FBXW8: variants seen among roughly 807,000 people sequenced by gnomAD.
The protein encoded by FBXW8 is F-box/WD repeat-containing protein 8.
FBXW8 carries 57 observed loss-of-function variants against 65.3 expected under a neutral mutation model. The ratio of observed to expected loss-of-function variants is 0.87; its 90% CI spans 0.71 to 1.09. FBXW8 has a LOEUF of 1.09. Ranked by LOEUF, FBXW8 falls within the 50% of genes least tolerant of loss-of-function variation. FBXW8 has a pLI of 0.00. For missense variants in FBXW8, 777 were observed against 814.8 expected (o/e 0.95, Z 0.57); for synonymous variants, 308 against 330.2 (o/e 0.93, Z 0.73).
intron 8 of FBXW8, among the ~76,000 whole-genome samples, chr12:117,015,845 C>T (rs983468609): frequency 2.0e-5 from 3 of 152,208 alleles, no homozygotes; most frequent in Non-Finnish European, 2.9e-5. Context: ...CTCCCCAGTT[C>T]CCTCATCCCC....
At chr12:116,938,066 A>G (rs1443215435) in intron 2 of FBXW8, among the ~76,000 whole-genome samples, 1 of 152,126 alleles carries the variant, frequency 6.6e-6, no homozygotes, top group East Asian at 1.9e-4. Context: ...AGGAATCAAA[A>G]CAATTAACAA....
chr12:116,989,799 C>T (rs1281476421), intron 7 of FBXW8, among the ~76,000 whole-genome samples: 2 of 152,174 alleles, frequency 1.3e-5, no homozygotes, highest in Non-Finnish European at 2.9e-5. Context: ...GGCCAGCAGA[C>T]CCTGTGTGAC....
intron 7 of FBXW8, among the ~76,000 whole-genome samples, chr12:116,990,798 T>TA (rs1953220885): frequency 6.6e-6 from 1 of 152,138 alleles, no homozygotes; most frequent in African/African-American, 2.4e-5. Context: ...CTAAAAGCAT[T>TA]AACTGTAAGA....
intron 9 of FBXW8, among the ~76,000 whole-genome samples, chr12:117,025,915 G>C (rs930003070): frequency 6.6e-6 from 1 of 152,202 alleles, no homozygotes; most frequent in African/African-American, 2.4e-5. Flanking sequence ...AGCTAAGGAA[G>C]GCCTTCCCCA....
At chr12:117,006,789 G>C (rs1440102341) in intron 7 of FBXW8, among the ~76,000 whole-genome samples, 4 of 152,208 alleles carry the variant, frequency 2.6e-5, no homozygotes, top group Non-Finnish European at 4.4e-5. Flanking sequence ...CCAGTGCCTA[G>C]AAGATGATTG....
At chr12:117,012,886 A>G (rs904295184) in intron 8 of FBXW8, among the ~76,000 whole-genome samples, 43 of 152,222 alleles carry the variant, frequency 2.8e-4, no homozygotes, top group African/African-American at 8.7e-4. Context: ...TGTTTTCATT[A>G]AAGTAGGGAA....
Position 117,028,191 on chromosome 12 carries a change from A to C in FBXW8, c.*19A>C. On this transcript the variant is annotated 3_prime_UTR_variant, in exon 11 of 11. Coordinates refer to ENST00000652555, the MANE Select transcript of FBXW8 (RefSeq NM_153348.3). This position sits in a 1 kb window ranked among gnomAD's most constrained non-coding sequence, Gnocchi z 4.1. ...TGTTTAGGGATGTGCCTCAGTTGGG[A>C]GCAAGGAGAAAAATGGGAAGAACCA... The C allele has an allele frequency of 6.2e-7, 1 of 1,611,546 alleles. No individual in the cohort carries two copies. The highest frequency in any genetic ancestry group is 1.1e-5 in the South Asian group (1 of 91,048).
chr12:117,011,516 G>A lies in FBXW8; in HGVS notation c.1367+1066G>A, dbSNP rs537969826. 9.2e-5 allele frequency among the ~76,000 whole-genome samples: 14 copies of A among 152,342 alleles called. 1 individual carries two copies. The highest frequency in any genetic ancestry group is 9.1e-4 in the Admixed American group (14 of 15,308). On this transcript the variant is annotated intron_variant, in intron 8 of 10. Coordinates refer to ENST00000652555, the MANE Select transcript of FBXW8 (RefSeq NM_153348.3). ...GAGAACTGAACTCCTCAGTGTGTGT[G>A]TGGGGCACGCACTGGGCTAGTTCTC...
At chr12:116,928,374 G>A (rs1048546093) in intron 2 of FBXW8, among the ~76,000 whole-genome samples, 1 of 152,208 alleles carries the variant, frequency 6.6e-6, no homozygotes, top group Non-Finnish European at 1.5e-5. Flanking sequence ...TGGCTGACCT[G>A]TGGCAGTGTG....
intron 7 of FBXW8, among the ~76,000 whole-genome samples, chr12:117,006,142 G>T (rs1041423972): frequency 1.3e-5 from 2 of 152,210 alleles, no homozygotes; most frequent in Non-Finnish European, 2.9e-5. Context: ...AATGCCTGGT[G>T]GTGGTTTAAT....
intron 3 of FBXW8, among the ~76,000 whole-genome samples, chr12:116,946,564 A>G (rs1345447538): frequency 1.3e-5 from 2 of 152,088 alleles, no homozygotes; most frequent in Non-Finnish European, 2.9e-5. Flanking sequence ...ATGCCCCTAG[A>G]CATTGCTGGA....
chr12:116,966,683 AAATGTTGGGAAAC>A, intron 5 of FBXW8, among the ~76,000 whole-genome samples: 1 of 152,292 alleles, frequency 6.6e-6, no homozygotes, highest in South Asian at 2.1e-4. Flanking sequence ...TGTTGCACAG[AAATGTTGGGAAAC>A]AATGTAGGCA....
intron 1 of FBXW8, among the ~76,000 whole-genome samples, chr12:116,925,398 G>A (rs11068244): frequency 0.013 from 2,021 of 152,308 alleles, 39 homozygotes; most frequent in African/African-American, 0.046. Flanking sequence ...AGTATCTATG[G>A]CAAGGACCAT....
chr12:116,973,456 A>G (rs1884750697), intron 5 of FBXW8, among the ~76,000 whole-genome samples: 1 of 152,270 alleles, frequency 6.6e-6, no homozygotes, highest in South Asian at 2.1e-4. Context: ...AACCGTCTTA[A>G]TAAAGTGATC....
chr12:116,998,870 A>G (rs1953442804), intron 7 of FBXW8, among the ~76,000 whole-genome samples: 1 of 152,370 alleles, frequency 6.6e-6, no homozygotes, highest in South Asian at 2.1e-4. Flanking sequence ...GAATTTCTGA[A>G]TATTTAAAAC....
At chr12:116,979,675 C>T (rs765340091) in intron 5 of FBXW8, 2 of 149,850 alleles carry the variant, frequency 1.3e-5, no homozygotes, top group Non-Finnish European at 2.9e-5. Flanking sequence ...GAGGTTTGGT[C>T]AGGAAGGAAG....
Position 117,030,297 on chromosome 12 carries a change from A to C in FBXW8, c.*2125A>C, listed in dbSNP as rs1565951653. 6.6e-6 allele frequency: 1 copy of C among 152,198 alleles called. No homozygotes were observed. The highest frequency in any genetic ancestry group is 1.5e-5 in the Non-Finnish European group (1 of 68,040). The allele number at this position is 152,198 out of a possible 1,614,324, so 9.4% of individuals were successfully genotyped here. ...TTTCAGACCCTGCCTACCTGCAGGC[A>C]GATGGACCGGAGGGTTTTCTGCTTC... On this transcript the variant is annotated 3_prime_UTR_variant, in exon 11 of 11. Coordinates refer to ENST00000652555, the MANE Select transcript of FBXW8 (RefSeq NM_153348.3).
At chr12:116,973,414 A>G (rs955828547) in intron 5 of FBXW8, among the ~76,000 whole-genome samples, 1 of 152,228 alleles carries the variant, frequency 6.6e-6, no homozygotes, top group African/African-American at 2.4e-5. Flanking sequence ...AAGGCAGGAA[A>G]AGATAACTCT....
At chr12:116,938,763 T>G (rs1882344126) in intron 2 of FBXW8, among the ~76,000 whole-genome samples, 1 of 152,192 alleles carries the variant, frequency 6.6e-6, no homozygotes, top group African/African-American at 2.4e-5. Context: ...AGAGGCTCCA[T>G]CCAACAAAAC....
Sources: allele counts gnomAD v4.1 joint callset (sites outside exome capture counted in the v4.1 genomes callset), GRCh38; gene constraint gnomAD v4.1.1; non-coding constraint Gnocchi (gnomAD v3.1); transcripts MANE v1.5; gene names NCBI Gene and HGNC (gene_info 2026-07-23, HGNC 2026-07-21).